Variants in UTRN observed in about 807,000 individuals in gnomAD.
UTRN encodes utrophin, also known as dystrophin-related protein 1.
Under a neutral mutation model 463.9 loss-of-function variants are expected in UTRN, and 283 were observed. The observed-to-expected ratio is 0.61, with a 90% CI of 0.55 to 0.67. The LOEUF is 0.67. Among genes scored for constraint, UTRN ranks in the 30% least tolerant of loss-of-function variants. The probability of loss-of-function intolerance (pLI) is 0.00; values close to 1 mark genes in which losing one functional copy is unlikely to be tolerated. For missense variants in UTRN, 3,922 were observed against 4,084.3 expected (o/e 0.96, Z 1.08); for synonymous variants, 1,442 against 1,431.5 (o/e 1.01, Z -0.17).
intron 66 of UTRN, among the ~76,000 whole-genome samples, chr6:144,827,003 G>A (rs1475676628): frequency 6.6e-6 from 1 of 151,924 alleles, no homozygotes; most frequent in Non-Finnish European, 1.5e-5. Flanking sequence ...CATCCCCCTT[G>A]GTATATTATA....
intron 61 of UTRN, among the ~76,000 whole-genome samples, chr6:144,786,646 G>C (rs1469756288): frequency 1.3e-5 from 2 of 152,012 alleles, no homozygotes; most frequent in African/African-American, 4.8e-5. Flanking sequence ...GGCTTTCTCT[G>C]TGATACTCTA....
chr6:144,319,015 A>G (rs1373280453), intron 2 of UTRN, among the ~76,000 whole-genome samples: 1 of 152,168 alleles, frequency 6.6e-6, no homozygotes, highest in Non-Finnish European at 1.5e-5. Context: ...GCTGCAGTGA[A>G]CTATGGTGGT....
chr6:144,442,381 A>G lies in UTRN; in HGVS notation c.1513-1900A>G, dbSNP rs139985307. ...CAAATGTTTCCAACCTCTGCCTGTT[A>G]CCGAGTTCCAAAGTCACTTCTACAT... On this transcript the variant is annotated intron_variant, in intron 13 of 74. Transcript: ENST00000367545. Among the ~76,000 whole-genome samples the G allele has an allele frequency of 4.8e-4, 73 of 152,280 alleles. 2 individuals carry two copies. In the East Asian group the frequency reaches 0.013, roughly 27 times the overall value.
intron 2 of UTRN, among the ~76,000 whole-genome samples, chr6:144,336,030 G>A (rs910969668): frequency 3.3e-5 from 5 of 152,078 alleles, no homozygotes; most frequent in Admixed American, 2.6e-4. Flanking sequence ...TACCAGCTGC[G>A]GCAGGATCTA....
intron 57 of UTRN, among the ~76,000 whole-genome samples, chr6:144,757,257 T>C (rs1004224511): frequency 8.8e-6 from 1 of 113,054 alleles, no homozygotes; most frequent in Non-Finnish European, 1.8e-5. Flanking sequence ...AAAAAAAAAG[T>C]ACCTCAATTT....
At chr6:144,589,854 C>CT (rs377435663) in intron 51 of UTRN, among the ~76,000 whole-genome samples, 2,492 of 145,472 alleles carry the variant, frequency 0.017, 69 homozygotes, top group African/African-American at 0.058. Flanking sequence ...TTGCTGACAG[C>CT]TTTTTTTTTT....
chr6:144,588,431 ATAAC>A (rs1426928427), intron 51 of UTRN, among the ~76,000 whole-genome samples: 6 of 152,226 alleles, frequency 3.9e-5, no homozygotes, highest in African/African-American at 1.4e-4. Flanking sequence ...CACTTAAAGA[ATAAC>A]TAATACATTC....
intron 2 of UTRN, among the ~76,000 whole-genome samples, chr6:144,394,367 A>G (rs2114774325): frequency 6.6e-6 from 1 of 152,264 alleles, no homozygotes. Flanking sequence ...GGAAAGGGGA[A>G]ACCCCTTATA....
intron 4 of UTRN, among the ~76,000 whole-genome samples, chr6:144,422,450 C>G (rs1025280556): frequency 2.0e-5 from 3 of 152,176 alleles, no homozygotes; most frequent in Non-Finnish European, 4.4e-5. Flanking sequence ...AACCCCATCT[C>G]TACTAAAATA....
rs112269288 is a variant in UTRN, at chr6:144,383,695, A to C, written c.80-19428A>C. Among the ~76,000 whole-genome samples, 1,276 of 152,326 alleles carry C rather than the reference A, an allele frequency of 8.4e-3. 18 individuals are homozygous for C. Among genetic ancestry groups the C allele is most frequent in the African/African-American group, 0.029 (1,189 of 41,564 alleles). On this transcript the variant is annotated intron_variant, in intron 2 of 74. Transcript: ENST00000367545. ...TGGCCACCTTGCTACAGGGAAAAAA[A>C]ATGGGATTAATCTTGTAAGTGAGAA...
chr6:144,613,683 T>G (rs537318518), intron 51 of UTRN, among the ~76,000 whole-genome samples: 1 of 152,076 alleles, frequency 6.6e-6, no homozygotes, highest in South Asian at 2.1e-4. Flanking sequence ...ATATGCTGAT[T>G]GTGGTGGTGG....
chr6:144,421,805 T>G, intron 3 of UTRN, 73 bp from the exon 4 acceptor site: 1 of 1,124,010 alleles, frequency 8.9e-7, no homozygotes, highest in Non-Finnish European at 1.2e-6. Context: ...AGCCACTCAT[T>G]TATTTGCCCA....
intron 53 of UTRN, among the ~76,000 whole-genome samples, chr6:144,727,566 G>A (rs925612362): frequency 1.3e-5 from 2 of 151,944 alleles, no homozygotes; most frequent in Non-Finnish European, 2.9e-5. Context: ...AGACCATCCT[G>A]GCTAACACAG....
Position 144,751,781 on chromosome 6 carries a change from T to C in UTRN, c.8209-25T>C, listed in dbSNP as rs747128768. The C allele has an allele frequency of 1.9e-6, 3 of 1,581,194 alleles. No homozygotes were observed. In the Admixed American group the frequency reaches 5.4e-5, roughly 29 times the overall value. On this transcript the variant is annotated intron_variant, in intron 55 of 74. Coordinates refer to ENST00000367545, the MANE Select transcript of UTRN (RefSeq NM_007124.3). ...CTTTTGTTATATTCGTTTCCAATAA[T>C]ATATTTTTTGTTCTTTTCTTCTAGG...
At chr6:144,616,909 G>C (rs901482849) in intron 51 of UTRN, among the ~76,000 whole-genome samples, 3 of 152,266 alleles carry the variant, frequency 2.0e-5, no homozygotes, top group Admixed American at 2.0e-4. Flanking sequence ...GTAGAAATCT[G>C]TTAGGAATAC....
chr6:144,516,467 C>A, intron 38 of UTRN, 80 bp downstream of exon 38: 3 of 1,427,318 alleles, frequency 2.1e-6, no homozygotes, highest in Non-Finnish European at 2.8e-6. Context: ...AAGATGTTTG[C>A]CCATATAATC....
At chr6:144,491,250 A>G in intron 32 of UTRN, 148 bp downstream of exon 32, 1 of 759,302 alleles carries the variant, frequency 1.3e-6, no homozygotes, top group Non-Finnish European at 1.9e-6. Context: ...GTGTTAAAAA[A>G]TAAGAAGTGT....
chr6:144,610,686 C>T (rs1000995176), intron 51 of UTRN, among the ~76,000 whole-genome samples: 3 of 152,074 alleles, frequency 2.0e-5, no homozygotes, highest in Admixed American at 2.0e-4. Flanking sequence ...ACCAGCCTGG[C>T]CAACATGGTG....
At chr6:144,385,731 C>T (rs1361353307) in intron 2 of UTRN, among the ~76,000 whole-genome samples, 10 of 147,814 alleles carry the variant, frequency 6.8e-5, no homozygotes, top group African/African-American at 1.3e-4. Flanking sequence ...TCTTTTGAGA[C>T]GGAGTCTTGC....
Sources: gnomAD v4.1 joint callset for allele counts (sites outside exome capture counted in the v4.1 genomes callset) on GRCh38, gnomAD v4.1.1 for gene constraint, MANE v1.5 for transcripts, NCBI Gene and HGNC (gene_info 2026-07-23, HGNC 2026-07-21) for gene names.